The following UBN2 variants were observed in gnomAD, a reference collection of about 807,000 sequenced individuals.
UBN2 encodes the protein ubinuclein-2.
Under a neutral mutation model 120.2 loss-of-function variants are expected in UBN2, and 35 were observed. That is an observed-to-expected ratio of 0.29 (90% CI 0.22 to 0.39). The LOEUF (loss-of-function observed/expected upper bound fraction) is 0.39. Among genes scored for constraint, UBN2 ranks in the 10% least tolerant of loss-of-function variants. UBN2 has a pLI of 1.00. For missense variants in UBN2, 1,693 were observed against 1,663.2 expected (o/e 1.02, Z -0.31); for synonymous variants, 661 against 648.7 (o/e 1.02, Z -0.29).
intron 13 of UBN2, among the ~76,000 whole-genome samples, chr7:139,281,508 G>T (rs7794348): frequency 3.3e-5 from 5 of 151,632 alleles, no homozygotes; most frequent in African/African-American, 4.9e-5. Context: ...CCATTCGTCC[G>T]TCCATCCATA....
rs1389067341 is a variant in UBN2, at chr7:139,231,801, C to T, written c.317C>T (p.Pro106Leu). 2.8e-6 allele frequency: 4 copies of T among 1,421,804 alleles called. No homozygotes were observed. The highest frequency in any genetic ancestry group is 1.4e-5 in the South Asian group (1 of 70,166). The allele number at this position is 1,421,804 out of a possible 1,614,324, so 88.1% of individuals were successfully genotyped here. A position where few individuals can be genotyped will look rare whatever the true frequency, so the allele number is the denominator to read the frequency against. ...PPPFPPLPLQ[P>L]PPPRESASRA... is the part of the protein sequence containing the mutation. ...CCGTTCCCGCCGCTGCCCTTGCAGC[C>T]GCCCCCGCCGCGGGAGTCGGCTTCC... Residue 106 changes from proline (P) to leucine (L), a missense_variant, in exon 1 of 18, where the codon CCG (proline) becomes CTG (leucine). Around this residue, in one of 5 missense-constraint regions of UBN2, gnomAD observed 663 missense variants for 591.2 expected, o/e 1.12. Coordinates refer to ENST00000473989, the MANE Select transcript of UBN2 (RefSeq NM_173569.4).
intron 8 of UBN2, among the ~76,000 whole-genome samples, chr7:139,270,671 T>C (rs1797246797): frequency 6.6e-6 from 1 of 152,228 alleles, no homozygotes; most frequent in South Asian, 2.1e-4. Flanking sequence ...TTGGGTTGTT[T>C]CCAGGCAGGT....
chr7:139,277,514 A>G (rs988155037), intron 12 of UBN2: 6 of 152,274 alleles, frequency 3.9e-5, no homozygotes, highest in African/African-American at 1.2e-4. Context: ...TATATTTACT[A>G]TTCATTAGGT....
Position 139,283,463 on chromosome 7 carries a change from C to T in UBN2, c.2558C>T (p.Ser853Phe). The T allele has an allele frequency of 6.2e-7, 1 of 1,614,168 alleles. No individual in the cohort carries two copies. The highest frequency in any genetic ancestry group is 8.5e-7 in the Non-Finnish European group (1 of 1,180,034). The change falls in exon 15 of 18, where the codon TCT becomes TTT. Residue 853 changes from serine to phenylalanine, a missense_variant. Transcript: ENST00000473989. ...CAGGATTTAGCTCATACTGGCATCT[C>T]TTCAGGCCTTATTGCTGGTTCTTCC... ...KPQDLAHTGI[S>F]SGLIAGSSIQ... is the part of the protein sequence containing the mutation.
chr7:139,282,149 AC>A, intron 14 of UBN2, 94 bp downstream of exon 14: 1 of 1,050,260 alleles, frequency 9.5e-7, no homozygotes, highest in South Asian at 1.5e-5. Flanking sequence ...CTTTGATACG[AC>A]TTTTATGTAA....
chr7:139,281,215 G>C (rs1797598294), intron 13 of UBN2, among the ~76,000 whole-genome samples: 1 of 152,000 alleles, frequency 6.6e-6, no homozygotes, highest in Admixed American at 6.6e-5. Flanking sequence ...CAGTTTTTTT[G>C]TATGTTTCCT....
chr7:139,244,649 A>T (rs892738329), intron 2 of UBN2, among the ~76,000 whole-genome samples: 1 of 152,104 alleles, frequency 6.6e-6, no homozygotes, highest in Non-Finnish European at 1.5e-5. Flanking sequence ...GACCATGGTT[A>T]TCTGCTTGTT....
intron 7 of UBN2, among the ~76,000 whole-genome samples, chr7:139,266,768 C>G (rs1047414598): frequency 6.6e-6 from 1 of 152,118 alleles, no homozygotes; most frequent in Admixed American, 6.6e-5. Context: ...ACTTTTATTA[C>G]TTACACTGGG....
In UBN2 at chr7:139,261,415, A is replaced by G. The variant is rs762853808; in HGVS notation, c.1069A>G (p.Lys357Glu). The G allele has an allele frequency of 1.1e-5, 17 of 1,614,226 alleles. No homozygotes were observed. Among genetic ancestry groups the G allele is most frequent in the Non-Finnish European group, 1.4e-5 (17 of 1,180,042 alleles). ...GACCTTGTCAACCCCTTCTCTGAAT[A>G]AACCCCCATGTGCTGCTGCAGCACT... is the stretch of plus-strand genomic sequence containing the variant. ...PVTLSTPSLN[K>E]PPCAAAALGN... The change falls in exon 6 of 18, where the codon AAA (lysine) becomes GAA (glutamate). Residue 357 changes from lysine (K) to glutamate (E), a missense_variant. By Grantham distance (56) the Lys-to-Glu change is moderately conservative (BLOSUM62 1). Transcript: ENST00000473989.
the UBN2 span, among the ~76,000 whole-genome samples, chr7:139,317,803 T>G: frequency 6.6e-6 from 1 of 151,946 alleles, no homozygotes; most frequent in Non-Finnish European, 1.5e-5. Context: ...GCCGGGATCA[T>G]AAGTGCCCGC....
intron 13 of UBN2, among the ~76,000 whole-genome samples, 194 bp from the exon 14 acceptor site, chr7:139,281,811 A>C (rs536217072): frequency 6.6e-6 from 1 of 152,360 alleles, no homozygotes; most frequent in Non-Finnish European, 1.5e-5. Context: ...TGGATGGCAT[A>C]TCAAAACAAA....
In UBN2 at chr7:139,284,074, C is replaced by T. The variant is rs772201344; in HGVS notation, c.3169C>T (p.Pro1057Ser). The change falls in exon 15 of 18, where the codon CCT becomes TCT. Residue 1057 changes from proline to serine, a missense_variant. By Grantham distance (74) the Pro-to-Ser change is moderately conservative (BLOSUM62 -1). Coordinates refer to ENST00000473989, the MANE Select transcript of UBN2 (RefSeq NM_173569.4). ...TSPKPLPSPK[P>S]SASPKPSLSA... is the part of the protein sequence containing the mutation. ...TCCTAAACCCCTGCCCTCGCCTAAG[C>T]CTTCTGCCTCACCCAAGCCCTCTCT... The T allele has an allele frequency of 4.3e-6, 7 of 1,614,120 alleles. No individual in the cohort carries two copies. Among genetic ancestry groups the T allele is most frequent in the South Asian group, 1.1e-5 (1 of 91,062 alleles).
In UBN2 at chr7:139,271,368, C is replaced by T. The variant is rs183107578; in HGVS notation, c.1597-954C>T. ...TTGGGAGGCCGAGGCAGGCAGATCA[C>T]TTGAGGCCAGGAGTTCGAGACCAGC... On this transcript the variant is annotated intron_variant, in intron 8 of 17. Coordinates refer to ENST00000473989, the MANE Select transcript of UBN2 (RefSeq NM_173569.4). Among the ~76,000 whole-genome samples, 1,187 of 152,226 alleles carry T rather than the reference C, an allele frequency of 7.8e-3. 9 individuals carry two copies. The highest frequency in any genetic ancestry group is 0.013 in the Non-Finnish European group (873 of 68,010).
chr7:139,242,571 G>A (rs1796350538), intron 2 of UBN2, among the ~76,000 whole-genome samples: 2 of 148,226 alleles, frequency 1.3e-5, no homozygotes, highest in African/African-American at 2.5e-5. Flanking sequence ...AGGGGAGAGG[G>A]CCTTAAAGGG....
chr7:139,306,700 A>G lies in UBN2; in HGVS notation c.*8864A>G, dbSNP rs1236879186. ...ACTTACTTTATTTCAGAAAGTATCA[A>G]AAATACCAAATTGGTCTTTCAGAGA... On this transcript the variant is annotated 3_prime_UTR_variant, in exon 18 of 18. Transcript: ENST00000473989. 11 of 152,216 alleles carry G rather than the reference A, an allele frequency of 7.2e-5. No individual in the cohort carries two copies. The highest frequency in any genetic ancestry group is 1.6e-4 in the Non-Finnish European group (11 of 68,038). The allele number at this position is 152,216 out of a possible 1,614,324, so 9.4% of individuals were successfully genotyped here.
At chr7:139,257,511 C>G (rs1307843982) in intron 3 of UBN2, among the ~76,000 whole-genome samples, 1 of 152,014 alleles carries the variant, frequency 6.6e-6, no homozygotes, top group Non-Finnish European at 1.5e-5. Flanking sequence ...CAGGTTCAAG[C>G]GATTCTCCTG....
At position 139,300,796 on chromosome 7, in the gene UBN2, A is replaced by G. The variant is rs981534914; in HGVS notation, c.*2960A>G. On this transcript the variant is annotated 3_prime_UTR_variant, in exon 18 of 18. Coordinates refer to ENST00000473989, the MANE Select transcript of UBN2 (RefSeq NM_173569.4). Reference sequence around the variant, plus strand: ...AGTTAATCCTCAGTATTCACAAGCAATAACAGTCAGCAGGGTTGTCCTCGG... The same window carrying G: ...AGTTAATCCTCAGTATTCACAAGCAGTAACAGTCAGCAGGGTTGTCCTCGG... 6.6e-6 allele frequency: 1 copy of G among 152,240 alleles called. No individual in the cohort carries two copies. The highest frequency in any genetic ancestry group is 1.5e-5 in the Non-Finnish European group (1 of 68,038). 9.4% of individuals were successfully genotyped at this position (152,240 alleles called of 1,614,324 possible).
intron 2 of UBN2, among the ~76,000 whole-genome samples, chr7:139,244,884 A>T (rs1260227141): frequency 1.9e-4 from 29 of 151,604 alleles, no homozygotes; most frequent in Non-Finnish European, 4.4e-5. Flanking sequence ...CATTTAGGAA[A>T]CTCTTCTTGT....
At chr7:139,288,141 C>T (rs774460317) in intron 15 of UBN2, among the ~76,000 whole-genome samples, 7 of 152,156 alleles carry the variant, frequency 4.6e-5, no homozygotes, top group Admixed American at 6.5e-5. Flanking sequence ...TGAGTGTTTA[C>T]TATGTGCCAG....
Sources: allele counts gnomAD v4.1 joint callset (sites outside exome capture counted in the v4.1 genomes callset), GRCh38; gene constraint gnomAD v4.1.1; regional missense constraint gnomAD v4.1.1; transcripts MANE v1.5; gene names NCBI Gene and HGNC (gene_info 2026-07-23, HGNC 2026-07-21).